Variants in ACOX3 observed in about 807,000 individuals in gnomAD.
ACOX3 encodes the protein peroxisomal acyl-coenzyme A oxidase 3.
A neutral mutation model predicts 81.5 loss-of-function variants in ACOX3; 73 were observed. The observed-to-expected ratio is 0.90, with a 90% CI of 0.74 to 1.09. ACOX3 has a LOEUF of 1.09. Among genes scored for constraint, ACOX3 ranks in the 50% least tolerant of loss-of-function variants. ACOX3 has a pLI of 0.00. For synonymous variants in ACOX3, 387 were observed against 375.1 expected, an observed-to-expected ratio of 1.03 and a Z score of -0.37; for missense variants, 947 against 928.0, an observed-to-expected ratio of 1.02 and a Z score of -0.27.
chr4:8,364,961 G>T (rs1370163822), downstream of ACOX3, among the ~76,000 whole-genome samples: 1 of 152,162 alleles, frequency 6.6e-6, no homozygotes, highest in Non-Finnish European at 1.5e-5. The surrounding 1 kb of genome is among the most constrained non-coding windows in gnomAD (Gnocchi z 5.0). Context: ...GAATCTAGCT[G>T]CGGGCACATC....
At position 8,370,773 on chromosome 4, in the gene ACOX3, C is replaced by T; in HGVS notation, c.1983+135G>A. On this transcript the variant is annotated intron_variant, in intron 17 of 17. Coordinates refer to ENST00000356406, the MANE Select transcript of ACOX3 (RefSeq NM_003501.3). This position sits in a 1 kb window ranked among gnomAD's most constrained non-coding sequence, Gnocchi z 6.3. ...GAGACAGTCCTGACTTGTCCCGGGCCCTCCCCAAGAAGCTCCTCCATGTGT... is the reference window on the plus strand; with the variant it reads ...GAGACAGTCCTGACTTGTCCCGGGCTCTCCCCAAGAAGCTCCTCCATGTGT... 1.4e-6 allele frequency: 1 copy of T among 729,750 alleles called. No individual in the cohort carries two copies. The highest frequency in any genetic ancestry group is 2.3e-6 in the Non-Finnish European group (1 of 438,164). 45.2% of individuals were successfully genotyped at this position (729,750 alleles called of 1,614,324 possible).
chr4:8,410,475 A>T, intron 5 of ACOX3, 120 bp from the exon 6 acceptor site: 1 of 1,322,278 alleles, frequency 7.6e-7, no homozygotes, highest in South Asian at 1.4e-5. Flanking sequence ...AAGAGTTGAA[A>T]CTAATCGCAC....
At chr4:8,411,810 C>A (rs182995058) in intron 5 of ACOX3, among the ~76,000 whole-genome samples, 2 of 152,342 alleles carry the variant, frequency 1.3e-5, no homozygotes, top group East Asian at 3.9e-4. Flanking sequence ...CAGCAGAGAC[C>A]TGTCTGCTGT....
In ACOX3 at chr4:8,432,140, C is replaced by G. The variant is rs192839491; in HGVS notation, c.-15+8508G>C. ...ACATTAAGTGGTAGGCAGCTGAAAA[C>G]GGTGTTGGGAAAGAGTTGTGGAACA... is the stretch of plus-strand genomic sequence containing the variant. On this transcript the variant is annotated intron_variant, in intron 1 of 17. Transcript: ENST00000356406. This position sits in a 1 kb window ranked among gnomAD's most constrained non-coding sequence, Gnocchi z 6.2. Among the ~76,000 whole-genome samples, 1 of 152,312 alleles carries G rather than the reference C, an allele frequency of 6.6e-6. No homozygotes were observed. Among genetic ancestry groups the G allele is most frequent in the Non-Finnish European group, 1.5e-5 (1 of 68,030 alleles).
rs1344326392 is a variant in ACOX3, at chr4:8,389,093, C to T, written c.1537+80G>A. The T allele has an allele frequency of 4.9e-6, 6 of 1,232,650 alleles. No homozygotes were observed. The highest frequency in any genetic ancestry group is 7.0e-6 in the Non-Finnish European group (6 of 856,088). The allele number at this position is 1,232,650 out of a possible 1,614,324, so 76.4% of individuals were successfully genotyped here. On this transcript the variant is annotated intron_variant, in intron 13 of 17. Transcript: ENST00000356406. The surrounding 1 kb of genome is among the most constrained non-coding windows in gnomAD (Gnocchi z 5.3). ...CCCGGCTGGAACTGCCAAGGGTCCC[C>T]TCACCGAGGCACGGTGCGTTTCCTG...
In ACOX3 at chr4:8,415,877, G is replaced by T; in HGVS notation, c.267C>A (p.Asp89Glu). The change falls in exon 3 of 18, where the codon GAC (aspartate) becomes GAA (glutamate). Residue 89 changes from aspartate (D) to glutamate (E), a missense_variant. Coordinates refer to ENST00000356406, the MANE Select transcript of ACOX3 (RefSeq NM_003501.3). Reference sequence around the variant, plus strand: ...TGAACATGTCTTCGACACTGAGGAAGTCATACTCGAAGATCCGCTTGCATC... The same window carrying T: ...TGAACATGTCTTCGACACTGAGGAATTCATACTCGAAGATCCGCTTGCATC... ...FLRCKRIFEY[D>E]FLSVEDMFKS... 6.2e-7 allele frequency: 1 copy of T among 1,614,218 alleles called. No individual in the cohort carries two copies. The highest frequency in any genetic ancestry group is 8.5e-7 in the Non-Finnish European group (1 of 1,180,044).
intron 6 of ACOX3, among the ~76,000 whole-genome samples, chr4:8,408,369 A>T (rs950281111): frequency 1.1e-4 from 17 of 151,966 alleles, no homozygotes; most frequent in Non-Finnish European, 2.1e-4. Context: ...TAACCCCAAG[A>T]CCACTGTTTC....
chr4:8,375,374 C>T (rs993863762), intron 14 of ACOX3, among the ~76,000 whole-genome samples: 5 of 152,214 alleles, frequency 3.3e-5, no homozygotes, highest in African/African-American at 4.8e-5. Context: ...ACTGCTCTGG[C>T]TCCACCGACG....
chr4:8,429,893 A>G (rs1207965956), intron 1 of ACOX3, among the ~76,000 whole-genome samples: 1 of 152,080 alleles, frequency 6.6e-6, no homozygotes, highest in East Asian at 1.9e-4. Context: ...CCTGGGCAAC[A>G]TAGTGAGACT....
the ACOX3 span, chr4:8,357,869 C>T: frequency 6.3e-6 from 1 of 158,096 alleles, no homozygotes; most frequent in Non-Finnish European, 1.4e-5. Context: ...AATTCTAAGT[C>T]CCCCAGCCAA....
intron 1 of ACOX3, among the ~76,000 whole-genome samples, chr4:8,435,427 C>T (rs1667267977): frequency 6.6e-6 from 1 of 151,894 alleles, no homozygotes; most frequent in African/African-American, 2.4e-5. Context: ...ACCTGGCAGG[C>T]GGAGCTTGCA....
chr4:8,409,843 A>G lies in ACOX3; in HGVS notation c.687+369T>C, dbSNP rs200725396. ...GGGCAGGACTGTCTGCACTGTGGGC[A>G]GAGCTGTCTGTGCGCTGCTGGTGGG... On this transcript the variant is annotated intron_variant, in intron 6 of 17. Coordinates refer to ENST00000356406, the MANE Select transcript of ACOX3 (RefSeq NM_003501.3). Among the ~76,000 whole-genome samples, 33 of 144,584 alleles carry G rather than the reference A, an allele frequency of 2.3e-4. No individual in the cohort carries two copies. In the East Asian group the frequency reaches 6.8e-3, roughly 30 times the overall value. The allele number at this position is 144,584 out of a possible 152,430, so 94.9% of individuals were successfully genotyped here.
intron 14 of ACOX3, among the ~76,000 whole-genome samples, chr4:8,379,052 C>T (rs1370478743): frequency 1.3e-5 from 2 of 152,306 alleles, no homozygotes; most frequent in Non-Finnish European, 1.5e-5. Context: ...TTCCTTCCTT[C>T]CTGGGGGTGT....
At chr4:8,358,242 G>A in the ACOX3 span, 1 of 152,146 alleles carries the variant, frequency 6.6e-6, no homozygotes, top group Non-Finnish European at 1.5e-5. Flanking sequence ...TCCCTTATTA[G>A]GCTTTTTCTG....
intron 5 of ACOX3, among the ~76,000 whole-genome samples, chr4:8,412,081 G>A (rs558677052): frequency 3.3e-5 from 5 of 152,240 alleles, no homozygotes; most frequent in Non-Finnish European, 7.3e-5. Flanking sequence ...GTCAGAAAGG[G>A]CCCCACCTCC....
intron 1 of ACOX3, chr4:8,438,804 C>T (rs1403309797): frequency 6.6e-6 from 1 of 152,226 alleles, no homozygotes; most frequent in Non-Finnish European, 1.5e-5. Flanking sequence ...CCATCACAGT[C>T]AGCTAACACT....
chr4:8,405,897 G>A lies in ACOX3; in HGVS notation c.776+58C>T, dbSNP rs1316205062. Reference sequence around the variant, plus strand: ...GGCCAGTGAGATCTCAGACATGAGCGACAACGCAGCCTGGGCCTTGGCAGG... The same window carrying A: ...GGCCAGTGAGATCTCAGACATGAGCAACAACGCAGCCTGGGCCTTGGCAGG... On this transcript the variant is annotated intron_variant, in intron 7 of 17. Coordinates refer to ENST00000356406, the MANE Select transcript of ACOX3 (RefSeq NM_003501.3). The surrounding 1 kb of genome is among the most constrained non-coding windows in gnomAD (Gnocchi z 7.1). 7 of 1,529,854 alleles carry A rather than the reference G, an allele frequency of 4.6e-6. No homozygotes were observed. Among genetic ancestry groups the A allele is most frequent in the East Asian group, 2.2e-5 (1 of 44,460 alleles). The allele number at this position is 1,529,854 out of a possible 1,614,324, so 94.8% of individuals were successfully genotyped here.
chr4:8,357,774 G>A, the ACOX3 span: 2 of 171,946 alleles, frequency 1.2e-5, no homozygotes, highest in Non-Finnish European at 2.6e-5. Flanking sequence ...CCTGGACACG[G>A]CCCAAGCCCT....
chr4:8,437,225 T>C lies in ACOX3; in HGVS notation c.-15+3423A>G, dbSNP rs1724304057. 6.7e-6 allele frequency among the ~76,000 whole-genome samples: 1 copy of C among 150,130 alleles called. No individual in the cohort carries two copies. Among genetic ancestry groups the C allele is most frequent in the South Asian group, 2.1e-4 (1 of 4,786 alleles). ...AGCTACAGGCATGAATATCACCCAGTCTATAAAAGTGGCCACCAAGGCGTA... is the reference window on the plus strand; with the variant it reads ...AGCTACAGGCATGAATATCACCCAGCCTATAAAAGTGGCCACCAAGGCGTA... On this transcript the variant is annotated intron_variant, in intron 1 of 17. Coordinates refer to ENST00000356406, the MANE Select transcript of ACOX3 (RefSeq NM_003501.3). The surrounding 1 kb of genome is among the most constrained non-coding windows in gnomAD (Gnocchi z 5.2).
Sources: gnomAD v4.1 joint callset for allele counts (sites outside exome capture counted in the v4.1 genomes callset) on GRCh38, gnomAD v4.1.1 for gene constraint, Gnocchi (gnomAD v3.1) non-coding constraint, MANE v1.5 for transcripts, NCBI Gene and HGNC (gene_info 2026-07-23, HGNC 2026-07-21) for gene names.